The following DMD variants were observed in gnomAD, a reference collection of about 807,000 sequenced individuals.
The protein encoded by DMD is mutant dystrophin.
A neutral mutation model predicts 330.1 loss-of-function variants in DMD; 63 were observed. That is an observed-to-expected ratio of 0.19 (90% CI 0.16 to 0.24). The LOEUF is 0.24. Ranked by LOEUF, DMD falls within the 10% of genes least tolerant of loss-of-function variation. The pLI, the probability that DMD is intolerant of heterozygous loss-of-function variation, is 1.00. For missense variants in DMD, 3,344 were observed against 2,684.1 expected (o/e 1.25, Z -5.43); for synonymous variants, 1,223 against 959.8 (o/e 1.27, Z -5.07).
chrX:32,891,028 A>G (rs1401118151), intron 2 of DMD, among the ~76,000 whole-genome samples: 1 of 111,939 alleles, frequency 8.9e-6, no homozygotes, highest in Non-Finnish European at 1.9e-5. Context: ...GTCTTTTTTG[A>G]TTACATGTTG....
intron 30 of DMD, among the ~76,000 whole-genome samples, chrX:32,394,920 A>AACAAAAAAAAAAAAC (rs2098031199): frequency 5.0e-5 from 3 of 60,397 alleles, no homozygotes; most frequent in African/African-American, 1.8e-4. Context: ...AAAAAACAAA[A>AACAAAAAAAAAAAAC]AAAAAAAAAA....
intron 45 of DMD, among the ~76,000 whole-genome samples, chrX:31,938,930 T>TGTGTCTG (rs1228612208): frequency 1.8e-5 from 2 of 111,538 alleles, no homozygotes; most frequent in Non-Finnish European, 3.8e-5. Context: ...CCAGTGTGTG[T>TGTGTCTG]GTGTCTGTGT....
At chrX:31,688,550 A>G (rs1224434429) in intron 52 of DMD, among the ~76,000 whole-genome samples, 2 of 111,748 alleles carry the variant, frequency 1.8e-5, no homozygotes, top group Non-Finnish European at 3.8e-5. Context: ...GCAAAGAGGA[A>G]CTGGTATCAT....
chrX:31,491,067 C>G (rs746603938), intron 57 of DMD, among the ~76,000 whole-genome samples: 12 of 112,109 alleles, frequency 1.1e-4, no homozygotes, highest in Non-Finnish European at 2.3e-4. Context: ...CAGAAAATCT[C>G]GGGAAGCTTT....
chrX:32,261,592 A>G (rs984703100), intron 43 of DMD, among the ~76,000 whole-genome samples: 2 of 112,090 alleles, frequency 1.8e-5, no homozygotes, highest in Non-Finnish European at 3.8e-5. Flanking sequence ...AGAGAACTTT[A>G]TAAAATTTGT....
rs146735499 is a variant in DMD at position 31,702,778 on chromosome X, C to T, written c.7661-23192G>A. On this transcript the variant is annotated intron_variant, in intron 52 of 78. Coordinates refer to ENST00000357033, the MANE Select transcript of DMD (RefSeq NM_004006.3). ...TCCCCCTAGTGATTCTAACGTGCAGCCAGGGATGAGAACCACTGATTTAAT... is the reference window on the plus strand; with the variant it reads ...TCCCCCTAGTGATTCTAACGTGCAGTCAGGGATGAGAACCACTGATTTAAT... Among the ~76,000 whole-genome samples, 668 of 110,266 alleles carry T rather than the reference C, an allele frequency of 6.1e-3. 6 individuals carry two copies. Among genetic ancestry groups the T allele is most frequent in the African/African-American group, 0.021 (630 of 30,274 alleles).
chrX:32,614,216 C>T (rs2057388773), intron 12 of DMD, 87 bp downstream of exon 12: 12 of 930,462 alleles, frequency 1.3e-5, no homozygotes, highest in African/African-American at 7.9e-5. Context: ...TCTCTCCCAT[C>T]AACCATGTCA....
chrX:32,113,609 G>A (rs2096598002), intron 44 of DMD, among the ~76,000 whole-genome samples: 1 of 111,649 alleles, frequency 9.0e-6, no homozygotes. Context: ...AACCAGAAGA[G>A]TTCAGCTCTA....
At chrX:32,406,737 A>G (rs952472113) in intron 30 of DMD, among the ~76,000 whole-genome samples, 1 of 111,167 alleles carries the variant, frequency 9.0e-6, no homozygotes, top group Admixed American at 9.6e-5. Flanking sequence ...TTACAAGGCT[A>G]CAGTAACCAA....
In DMD at chrX:32,596,671, G is replaced by A. The variant is rs375841578; in HGVS notation, c.1483-795C>T. ...AGGGATTCTCCTGCCTCAGCCTCCC[G>A]AGTAGCTGAGATTACAGGTGCACAC... On this transcript the variant is annotated intron_variant, in intron 12 of 78. Coordinates refer to ENST00000357033, the MANE Select transcript of DMD (RefSeq NM_004006.3). Among the ~76,000 whole-genome samples, 491 of 110,010 alleles carry A rather than the reference G, an allele frequency of 4.5e-3. 3 individuals are homozygous for A. Among genetic ancestry groups the A allele is most frequent in the African/African-American group, 0.015 (460 of 30,183 alleles).
At chrX:32,900,103 G>T (rs1267590821) in intron 2 of DMD, among the ~76,000 whole-genome samples, 1 of 111,807 alleles carries the variant, frequency 8.9e-6, no homozygotes, top group Non-Finnish European at 1.9e-5. Context: ...ATATACAAAG[G>T]TCTTATTTCC....
chrX:31,881,623 T>C (rs1179415260), intron 47 of DMD, among the ~76,000 whole-genome samples: 1 of 111,702 alleles, frequency 9.0e-6, no homozygotes, highest in Non-Finnish European at 1.9e-5. Flanking sequence ...GTATACTGTA[T>C]TTTTACGGTA....
intron 44 of DMD, 114 bp downstream of exon 44, chrX:32,216,799 GACA>G (rs1432286724): frequency 6.5e-5 from 42 of 644,221 alleles, no homozygotes; most frequent in Non-Finnish European, 8.3e-5. Flanking sequence ...ATATAATGAT[GACA>G]ACAACAGTCA....
intron 52 of DMD, 85 bp downstream of exon 52, chrX:31,729,546 G>A: frequency 7.4e-6 from 5 of 673,688 alleles, no homozygotes; most frequent in Non-Finnish European, 1.2e-5. Context: ...TTTTATAAAT[G>A]TGAGGGGGAT....
intron 6 of DMD, among the ~76,000 whole-genome samples, chrX:32,813,882 G>T (rs1307061577): frequency 3.6e-5 from 4 of 111,783 alleles, no homozygotes; most frequent in African/African-American, 1.3e-4. Flanking sequence ...ACTATAAAAT[G>T]ATTATAAGTA....
intron 69 of DMD, among the ~76,000 whole-genome samples, chrX:31,179,511 G>C (rs759281771): frequency 8.9e-6 from 1 of 112,347 alleles, no homozygotes; most frequent in African/African-American, 3.2e-5. Context: ...TGAATAGCAA[G>C]CATGCAAAGT....
intron 1 of DMD, among the ~76,000 whole-genome samples, chrX:33,279,826 T>A (rs768648138): frequency 1.8e-5 from 2 of 111,199 alleles, no homozygotes; most frequent in South Asian, 7.8e-4. Context: ...GAACATTTTT[T>A]AATGCATTTA....
At chrX:32,228,385 G>T (rs1156646055) in intron 43 of DMD, among the ~76,000 whole-genome samples, 2 of 111,100 alleles carry the variant, frequency 1.8e-5, no homozygotes, top group African/African-American at 6.5e-5. Context: ...TTCCTGCACT[G>T]CTTCTGAAAA....
intron 2 of DMD, among the ~76,000 whole-genome samples, chrX:33,010,250 ATATATGTACAAATATGTGTG>A (rs1569549302): frequency 9.7e-6 from 1 of 102,689 alleles, no homozygotes; most frequent in Non-Finnish European, 1.9e-5. Context: ...ATATGTGTGT[ATATATGTACAAATATGTGTG>A]TATATGTACA....
Sources: gnomAD v4.1 joint callset for allele counts (sites outside exome capture counted in the v4.1 genomes callset) on GRCh38, gnomAD v4.1.1 for gene constraint, MANE v1.5 for transcripts, NCBI Gene and HGNC (gene_info 2026-07-23, HGNC 2026-07-21) for gene names.